RXFP2: variants seen among roughly 807,000 people sequenced by gnomAD.
The protein encoded by RXFP2 is relaxin family peptide receptor 2.
A neutral mutation model predicts 88.6 loss-of-function variants in RXFP2; 68 were observed. The observed-to-expected ratio is 0.77, with a 90% CI of 0.63 to 0.94. The LOEUF is 0.94. Among genes scored for constraint, RXFP2 ranks in the 40% least tolerant of loss-of-function variants. RXFP2 has a pLI of 0.00. For missense variants in RXFP2, 791 were observed against 893.9 expected, an observed-to-expected ratio of 0.88 and a Z score of 1.47; for synonymous variants, 329 against 306.8, an observed-to-expected ratio of 1.07 and a Z score of -0.76.
intron 16 of RXFP2, 68 bp from the exon 17 acceptor site, chr13:31,797,133 C>A: frequency 8.9e-7 from 1 of 1,121,608 alleles, no homozygotes; most frequent in Non-Finnish European, 1.4e-6. Flanking sequence ...GGATACTCAA[C>A]CTGTACCACA....
At chr13:31,783,791 G>A (rs954756720) in intron 11 of RXFP2, among the ~76,000 whole-genome samples, 12 of 106,220 alleles carry the variant, frequency 1.1e-4, no homozygotes, top group Non-Finnish European at 1.6e-4. Context: ...ACAAACAGAG[G>A]GGTTTTTTGT....
chr13:31,741,610 G>C (rs1871226381), intron 1 of RXFP2, among the ~76,000 whole-genome samples: 1 of 152,098 alleles, frequency 6.6e-6, no homozygotes, highest in African/African-American at 2.4e-5. Flanking sequence ...CATAAAATTA[G>C]AAATTATGTG....
chr13:31,793,956 A>G (rs1873910671), intron 16 of RXFP2, among the ~76,000 whole-genome samples: 1 of 151,948 alleles, frequency 6.6e-6, no homozygotes, highest in Admixed American at 6.6e-5. Context: ...TGGTCTCGTA[A>G]CCTCTGGGAC....
chr13:31,779,085 C>T (rs1345018409), intron 9 of RXFP2, among the ~76,000 whole-genome samples: 1 of 151,562 alleles, frequency 6.6e-6, no homozygotes. Flanking sequence ...CTATCTCATC[C>T]CTATCTCAGG....
intron 10 of RXFP2, 131 bp from the exon 11 acceptor site, chr13:31,782,545 C>A: frequency 1.4e-6 from 1 of 732,054 alleles, no homozygotes; most frequent in South Asian, 1.5e-5. Context: ...GTTTCCACTC[C>A]AAAAGATGCC....
At chr13:31,789,266 G>A in intron 14 of RXFP2, 73 bp downstream of exon 14, 1 of 944,688 alleles carries the variant, frequency 1.1e-6, no homozygotes, top group Non-Finnish European at 1.7e-6. Flanking sequence ...ACTGTCTAAT[G>A]TATCACTGCA....
At chr13:31,768,921 C>A (rs1368849041) in intron 5 of RXFP2, among the ~76,000 whole-genome samples, 1 of 152,174 alleles carries the variant, frequency 6.6e-6, no homozygotes, top group Non-Finnish European at 1.5e-5. Flanking sequence ...AAATACCAAA[C>A]CATCCCCAGG....
At chr13:31,755,372 TATGTGG>T (rs1294137602) in intron 1 of RXFP2, among the ~76,000 whole-genome samples, 1 of 152,196 alleles carries the variant, frequency 6.6e-6, no homozygotes, top group East Asian at 1.9e-4. Flanking sequence ...TTGTTTTCAT[TATGTGG>T]ATGTGGGTGT....
chr13:31,776,110 C>CTTTCTTTTCT (rs1555284079), intron 7 of RXFP2, among the ~76,000 whole-genome samples: 10 of 138,258 alleles, frequency 7.2e-5, no homozygotes, highest in South Asian at 2.3e-4. Flanking sequence ...TCTTTTCTTT[C>CTTTCTTTTCT]TTTCTTTCTT....
At chr13:31,764,484 T>C (rs746483681) in intron 3 of RXFP2, among the ~76,000 whole-genome samples, 3 of 152,162 alleles carry the variant, frequency 2.0e-5, no homozygotes, top group African/African-American at 4.8e-5. Context: ...TTCAACCTCA[T>C]AGTAATAAAA....
rs542876077 is a variant in RXFP2, at chr13:31,764,245, A to T, written c.320-792A>T. Among the ~76,000 whole-genome samples the T allele has an allele frequency of 3.5e-3, 329 of 92,750 alleles. 1 individual carries two copies. Among genetic ancestry groups the T allele is most frequent in the African/African-American group, 0.015 (317 of 21,468 alleles). The allele number at this position is 92,750 out of a possible 152,430, so 60.8% of individuals were successfully genotyped here. A position where few individuals can be genotyped will look rare whatever the true frequency, so the allele number is the denominator to read the frequency against. ...GCCCTCGTCTGTCTCTCTCTCTTTCACACACACACACACACACACACACAC... is the reference window on the plus strand; with the variant it reads ...GCCCTCGTCTGTCTCTCTCTCTTTCTCACACACACACACACACACACACAC... On this transcript the variant is annotated intron_variant, in intron 3 of 17. Transcript: ENST00000298386.
At chr13:31,745,634 G>C (rs1196453291) in intron 1 of RXFP2, among the ~76,000 whole-genome samples, 1 of 152,186 alleles carries the variant, frequency 6.6e-6, no homozygotes, top group Non-Finnish European at 1.5e-5. Flanking sequence ...GTGGTTTTAC[G>C]TCCTCTCGCA....
chr13:31,791,658 C>T (rs546602036), intron 14 of RXFP2, 148 bp from the exon 15 acceptor site: 4 of 659,588 alleles, frequency 6.1e-6, no homozygotes, highest in South Asian at 5.3e-5. Context: ...TCATGAAGAA[C>T]TCTTTAATTA....
intron 1 of RXFP2, among the ~76,000 whole-genome samples, chr13:31,754,831 G>A (rs114644004): frequency 0.018 from 2,816 of 152,238 alleles, 79 homozygotes; most frequent in African/African-American, 0.065. Context: ...TAAAGAAGTA[G>A]GGGAAGCTTT....
chr13:31,780,285 G>A (rs1008602461), intron 9 of RXFP2, among the ~76,000 whole-genome samples: 3 of 152,178 alleles, frequency 2.0e-5, no homozygotes, highest in African/African-American at 7.2e-5. Context: ...AGGAAGAAAG[G>A]CCAGACAGGA....
chr13:31,759,317 A>G (rs1184785376), intron 2 of RXFP2, among the ~76,000 whole-genome samples: 2 of 150,944 alleles, frequency 1.3e-5, no homozygotes. Context: ...ACTTGGAGGG[A>G]GGGATACTTC....
At chr13:31,746,662 A>G (rs1337900104) in intron 1 of RXFP2, among the ~76,000 whole-genome samples, 1 of 147,414 alleles carries the variant, frequency 6.8e-6, no homozygotes, top group Non-Finnish European at 1.5e-5. Context: ...TTATTCGATT[A>G]TAGCTCAGCC....
intron 5 of RXFP2, among the ~76,000 whole-genome samples, chr13:31,767,986 A>C (rs1422131555): frequency 6.6e-6 from 1 of 152,312 alleles, no homozygotes. Flanking sequence ...CTATTAACTC[A>C]TAACTGTGTT....
At chr13:31,759,428 A>AGAAAGAAAGAAAGAAG (rs1872183760) in intron 2 of RXFP2, among the ~76,000 whole-genome samples, 3 of 151,506 alleles carry the variant, frequency 2.0e-5, no homozygotes, top group Admixed American at 6.6e-5. Context: ...AAAGAAAGAA[A>AGAAAGAAAGAAAGAAG]GAAAGAAAGA....
Sources: allele counts gnomAD v4.1 joint callset (sites outside exome capture counted in the v4.1 genomes callset), GRCh38; gene constraint gnomAD v4.1.1; transcripts MANE v1.5; gene names NCBI Gene and HGNC (gene_info 2026-07-23, HGNC 2026-07-21).